The following BANF2 variants were observed in gnomAD, a reference collection of about 807,000 sequenced individuals.
BANF2 encodes barrier-to-autointegration factor-like protein.
In BANF2, 4 loss-of-function variants were observed where a neutral mutation model predicts 8.0. That is an observed-to-expected ratio of 0.50 (90% CI 0.25 to 1.14). The LOEUF (loss-of-function observed/expected upper bound fraction) is 1.14, where lower values mean the gene tolerates loss of function less well. Ranked by LOEUF, BANF2 falls within the 50% of genes most tolerant of loss-of-function variation. BANF2 has a pLI of 0.16. For synonymous variants in BANF2, 50 were observed against 40.6 expected (o/e 1.23, Z -0.88); for missense variants, 96 against 107.5 (o/e 0.89, Z 0.47).
chr20:17,705,034 G>T (rs1046816403), intron 1 of BANF2, among the ~76,000 whole-genome samples: 1 of 152,202 alleles, frequency 6.6e-6, no homozygotes, highest in East Asian at 1.9e-4. Context: ...TGGCCAGGAG[G>T]ATGTGTTACC....
At chr20:17,729,044 A>G (rs2037854498) in intron 3 of BANF2, among the ~76,000 whole-genome samples, 1 of 152,208 alleles carries the variant, frequency 6.6e-6, no homozygotes, top group Non-Finnish European at 1.5e-5. Context: ...TGTGGCTACT[A>G]GGAAAATCAA....
In BANF2 at chr20:17,714,066, C is replaced by T. The variant is rs190126085; in HGVS notation, c.-166-8650C>T. ...ACTAAAAATACAAAAATTAGCCAGGCATGGTGACAGGTGCCTATAATCCTA... is the reference window on the plus strand; with the variant it reads ...ACTAAAAATACAAAAATTAGCCAGGTATGGTGACAGGTGCCTATAATCCTA... On this transcript the variant is annotated intron_variant, in intron 1 of 3. Transcript: ENST00000246090. Among the ~76,000 whole-genome samples the T allele has an allele frequency of 4.0e-3, 612 of 151,514 alleles. 3 individuals are homozygous for T. Among genetic ancestry groups the T allele is most frequent in the Admixed American group, 7.0e-3 (106 of 15,202 alleles).
Position 17,730,762 on chromosome 20 carries a change from T to A in BANF2, c.127-4903T>A, listed in dbSNP as rs182633530. On this transcript the variant is annotated intron_variant, in intron 3 of 3. Coordinates refer to ENST00000246090, the MANE Select transcript of BANF2 (RefSeq NM_178477.5). Reference sequence around the variant, plus strand: ...AAGCCTCTGAAGGCTCCAACTCCTTTCTGTCCACTCTGCTGGGTGGGCGGT... The same window carrying A: ...AAGCCTCTGAAGGCTCCAACTCCTTACTGTCCACTCTGCTGGGTGGGCGGT... Among the ~76,000 whole-genome samples, 6 of 152,340 alleles carry A rather than the reference T, an allele frequency of 3.9e-5. No individual in the cohort carries two copies. In the East Asian group the frequency reaches 1.2e-3, roughly 29 times the overall value.
rs776367546 is a variant in BANF2 at position 17,720,752 on chromosome 20, C to T, written c.-166-1964C>T. 7.9e-5 allele frequency among the ~76,000 whole-genome samples: 12 copies of T among 152,192 alleles called. No individual in the cohort carries two copies. The South Asian group carries it at 1.0e-3, about 13-fold the overall frequency. On this transcript the variant is annotated intron_variant, in intron 1 of 3. Coordinates refer to ENST00000246090, the MANE Select transcript of BANF2 (RefSeq NM_178477.5). ...TGCACAACAATGGGAATGCACTTAA[C>T]ATTACTGAACCGTGCACTTAAAAAT...
chr20:17,728,025 C>T (rs2037834424), intron 3 of BANF2, among the ~76,000 whole-genome samples: 1 of 152,180 alleles, frequency 6.6e-6, no homozygotes, highest in African/African-American at 2.4e-5. Flanking sequence ...CCACACCCAG[C>T]CTCTTGTATT....
intron 1 of BANF2, among the ~76,000 whole-genome samples, chr20:17,710,238 T>C (rs1049391437): frequency 2.6e-5 from 4 of 152,162 alleles, no homozygotes; most frequent in Non-Finnish European, 4.4e-5. Flanking sequence ...GGGGGGGACA[T>C]GGGCAGGGCA....
Position 17,719,526 on chromosome 20 carries a change from C to T in BANF2, c.-166-3190C>T, listed in dbSNP as rs376239006. Among the ~76,000 whole-genome samples, 20 of 152,066 alleles carry T rather than the reference C, an allele frequency of 1.3e-4. No homozygotes were observed. The East Asian group carries it at 2.9e-3, about 22-fold the overall frequency. ...TTTAGGCTAGATTAGAGAAGGATTT[C>T]GGGGAGCCCAAGGAGGGCATGGGGA... On this transcript the variant is annotated intron_variant, in intron 1 of 3. Transcript: ENST00000246090.
At chr20:17,707,382 C>CAAAAAAAAGAAAA (rs2037498549) in intron 1 of BANF2, among the ~76,000 whole-genome samples, 1 of 142,352 alleles carries the variant, frequency 7.0e-6, no homozygotes, top group Admixed American at 6.9e-5. Flanking sequence ...GACTCTGTGT[C>CAAAAAAAAGAAAA]AAAAAAAAGA....
chr20:17,711,260 G>A lies in BANF2; in HGVS notation c.-167+11205G>A, dbSNP rs117121509. On this transcript the variant is annotated intron_variant, in intron 1 of 3. Coordinates refer to ENST00000246090, the MANE Select transcript of BANF2 (RefSeq NM_178477.5). Reference sequence around the variant, plus strand: ...TGCCTGCCCCCAGATGGCCTCCCCCGGGGCCCCCCTCCAGGGCCTGTAAAG... The same window carrying A: ...TGCCTGCCCCCAGATGGCCTCCCCCAGGGCCCCCCTCCAGGGCCTGTAAAG... Among the ~76,000 whole-genome samples the A allele has an allele frequency of 4.9e-3, 740 of 152,262 alleles. 10 individuals are homozygous for A. Among genetic ancestry groups the A allele is most frequent in the East Asian group, 0.037 (191 of 5,164 alleles).
chr20:17,729,564 C>T (rs111342659), intron 3 of BANF2, among the ~76,000 whole-genome samples: 338 of 152,252 alleles, frequency 2.2e-3, no homozygotes, highest in African/African-American at 7.8e-3. Flanking sequence ...TGGTGAAACC[C>T]GTCTCTACTA....
upstream of BANF2, among the ~76,000 whole-genome samples, chr20:17,697,684 C>A (rs1048792853): frequency 1.3e-5 from 2 of 152,122 alleles, no homozygotes; most frequent in Non-Finnish European, 2.9e-5. Context: ...GGAAGTGAGG[C>A]AGGGGATGGG....
chr20:17,699,280 C>T (rs765216162), upstream of BANF2, among the ~76,000 whole-genome samples: 12 of 152,178 alleles, frequency 7.9e-5, no homozygotes, highest in Non-Finnish European at 1.2e-4. Flanking sequence ...TTATACTTTG[C>T]CCCCTTTTTT....
chr20:17,724,833 A>G (rs2037780710), intron 2 of BANF2, among the ~76,000 whole-genome samples, 190 bp from the exon 3 acceptor site: 1 of 152,140 alleles, frequency 6.6e-6, no homozygotes, highest in Non-Finnish European at 1.5e-5. Flanking sequence ...GTAGGAATGG[A>G]TGTGTGAAGG....
Position 17,694,210 on chromosome 20 carries a change from C to T in BANF2, c.18+504C>T, listed in dbSNP as rs947681466. Among the ~76,000 whole-genome samples the T allele has an allele frequency of 1.6e-4, 25 of 152,280 alleles. No individual in the cohort carries two copies. The East Asian group carries it at 3.7e-3, about 22-fold the overall frequency. On this transcript the variant is annotated intron_variant, in intron 1 of 2. Coordinates refer to the BANF2 transcript ENST00000545418. ...AAGGTGGTATGGGATGGGAGGTGGA[C>T]AGTCAGCACAAAACCAAGACAATTT...
intron 1 of BANF2, among the ~76,000 whole-genome samples, chr20:17,716,397 A>G (rs905785928): frequency 4.0e-5 from 6 of 151,770 alleles, no homozygotes. Flanking sequence ...CAGTGGTACG[A>G]CCACGGCTCA....
At chr20:17,715,416 T>C (rs2037637988) in intron 1 of BANF2, among the ~76,000 whole-genome samples, 2 of 152,230 alleles carry the variant, frequency 1.3e-5, no homozygotes, top group African/African-American at 4.8e-5. Context: ...CTGTTGAATG[T>C]ATTTGGTTAT....
At chr20:17,714,013 C>T (rs989102974) in intron 1 of BANF2, among the ~76,000 whole-genome samples, 1 of 151,752 alleles carries the variant, frequency 6.6e-6, no homozygotes, top group African/African-American at 2.4e-5. Context: ...CAAGACCAGC[C>T]TGGCCAACAT....
intron 3 of BANF2, among the ~76,000 whole-genome samples, chr20:17,731,762 A>G (rs1409286750): frequency 7.0e-4 from 27 of 38,398 alleles, no homozygotes; most frequent in African/African-American, 1.9e-3. Flanking sequence ...CTCTTAGGAA[A>G]AAAAAAAAAA....
At chr20:17,706,153 C>T (rs1176836683) in intron 1 of BANF2, among the ~76,000 whole-genome samples, 1 of 152,216 alleles carries the variant, frequency 6.6e-6, no homozygotes, top group Non-Finnish European at 1.5e-5. Context: ...TCAGCACAGA[C>T]AGACACCAAG....
Sources: gnomAD v4.1 joint callset for allele counts (sites outside exome capture counted in the v4.1 genomes callset) on GRCh38, gnomAD v4.1.1 for gene constraint, MANE v1.5 for transcripts, NCBI Gene and HGNC (gene_info 2026-07-23, HGNC 2026-07-21) for gene names.